Variants in CAMTA1 observed in about 807,000 individuals in gnomAD.
The protein encoded by CAMTA1 is calmodulin binding transcription activator 1.
In CAMTA1, 27 loss-of-function variants were observed where a neutral mutation model predicts 170.9. That is an observed-to-expected ratio of 0.16 (90% confidence interval 0.12 to 0.22). The LOEUF is 0.22. Among genes scored for constraint, CAMTA1 ranks in the 10% least tolerant of loss-of-function variants. CAMTA1 has a pLI of 1.00. For synonymous variants in CAMTA1, 833 were observed against 891.5 expected (o/e 0.93, Z 1.17); for missense variants, 1,619 against 2,217.2 (o/e 0.73, Z 5.42).
At chr1:7,621,476 G>A (rs1426018879) in intron 6 of CAMTA1, among the ~76,000 whole-genome samples, 1 of 152,220 alleles carries the variant, frequency 6.6e-6, no homozygotes, top group Admixed American at 6.5e-5. Flanking sequence ...TCTGAGCATC[G>A]TGCCTCGGTG....
intron 3 of CAMTA1, among the ~76,000 whole-genome samples, chr1:7,025,917 G>T (rs1701955477): frequency 6.6e-6 from 1 of 152,196 alleles, no homozygotes; most frequent in African/African-American, 2.4e-5. Context: ...AGGAGTTAGA[G>T]ACCAGCCTGG....
Position 6,906,789 on chromosome 1 carries a change from G to A in CAMTA1, c.234+81579G>A, listed in dbSNP as rs567591274. ...TCTTTTCCCTAAAGGGAGTGAAAGA[G>A]GAAGGTGCTAAATGAAATATTCTCA... On this transcript the variant is annotated intron_variant, in intron 3 of 22. Transcript: ENST00000303635. Among the ~76,000 whole-genome samples, 101 of 152,298 alleles carry A rather than the reference G, an allele frequency of 6.6e-4. 1 individual carries two copies. Among genetic ancestry groups the A allele is most frequent in the African/African-American group, 2.4e-3 (99 of 41,570 alleles).
At chr1:7,123,377 C>T (rs545930627) in intron 4 of CAMTA1, among the ~76,000 whole-genome samples, 7 of 152,268 alleles carry the variant, frequency 4.6e-5, no homozygotes, top group Admixed American at 3.9e-4. Context: ...GGAATAGGGC[C>T]ACCCTAATGA....
intron 4 of CAMTA1, among the ~76,000 whole-genome samples, chr1:7,147,415 C>G (rs1425326440): frequency 8.5e-6 from 1 of 117,688 alleles, no homozygotes; most frequent in Non-Finnish European, 1.7e-5. Context: ...CAGAGCGAGA[C>G]TCCGTCTCAA....
chr1:7,762,193 A>G (rs1187912661), intron 22 of CAMTA1, among the ~76,000 whole-genome samples: 2 of 152,238 alleles, frequency 1.3e-5, no homozygotes, highest in Non-Finnish European at 2.9e-5. Context: ...TATTATTACA[A>G]AAGCAGCACA....
At position 7,487,797 on chromosome 1, in the gene CAMTA1, C is replaced by T. The variant is rs559793403; in HGVS notation, c.510+19896C>T. 2.6e-4 allele frequency among the ~76,000 whole-genome samples: 40 copies of T among 152,330 alleles called. 1 individual carries two copies. Among genetic ancestry groups the T allele is most frequent in the Middle Eastern group, 6.8e-3 (2 of 294 alleles). ...GCCCCCCAGAGGAAGGGATCCCAGGCCCTTGTCTGTCCTTCACCCTGATCT... is the reference window on the plus strand; with the variant it reads ...GCCCCCCAGAGGAAGGGATCCCAGGTCCTTGTCTGTCCTTCACCCTGATCT... On this transcript the variant is annotated intron_variant, in intron 6 of 22. Transcript: ENST00000303635.
Position 7,660,941 on chromosome 1 carries a change from T to C in CAMTA1, c.665-785T>C, listed in dbSNP as rs1576668288. 3.9e-5 allele frequency among the ~76,000 whole-genome samples: 6 copies of C among 152,334 alleles called. No homozygotes were observed. In the South Asian group the frequency reaches 1.2e-3, roughly 32 times the overall value. On this transcript the variant is annotated intron_variant, in intron 7 of 22. Coordinates refer to ENST00000303635, the MANE Select transcript of CAMTA1 (RefSeq NM_015215.4). ...CCGGGTCTGCTCCAGCTGAGAAAAC[T>C]GCTCTGCTGGAAAAGTCGGTTTAGA...
At chr1:7,428,279 T>G (rs186621257) in intron 5 of CAMTA1, among the ~76,000 whole-genome samples, 37 of 152,210 alleles carry the variant, frequency 2.4e-4, no homozygotes, top group African/African-American at 8.2e-4. Context: ...GTCGGGCGAA[T>G]GCACTGTTCC....
In CAMTA1 at chr1:7,685,167, C is replaced by T. The variant is rs2096248001; in HGVS notation, c.2914+7434C>T. Among the ~76,000 whole-genome samples the T allele has an allele frequency of 6.6e-6, 1 of 152,126 alleles. No individual in the cohort carries two copies. Among genetic ancestry groups the T allele is most frequent in the Non-Finnish European group, 1.5e-5 (1 of 68,024 alleles). On this transcript the variant is annotated intron_variant, in intron 11 of 22. Transcript: ENST00000303635. The surrounding 1 kb of genome is among the most constrained non-coding windows in gnomAD (Gnocchi z 5.7). Reference sequence around the variant, plus strand: ...GAGTTCGCAGGCACCGTCCTGAGGTCACAGGTGGTGTGTTTTAAGGAGCAT... The same window carrying T: ...GAGTTCGCAGGCACCGTCCTGAGGTTACAGGTGGTGTGTTTTAAGGAGCAT...
chr1:6,930,133 G>C (rs1050590454), intron 3 of CAMTA1, among the ~76,000 whole-genome samples: 16 of 152,156 alleles, frequency 1.1e-4, no homozygotes, highest in South Asian at 6.2e-4. Context: ...CCAGTACCTT[G>C]TTGGTCTCTG....
At chr1:7,459,577 C>T (rs927509102) in intron 5 of CAMTA1, among the ~76,000 whole-genome samples, 1 of 152,214 alleles carries the variant, frequency 6.6e-6, no homozygotes, top group Non-Finnish European at 1.5e-5. Flanking sequence ...CTGTGAGCCC[C>T]ACAGCCCTGC....
intron 3 of CAMTA1, among the ~76,000 whole-genome samples, chr1:6,907,699 C>T (rs1011773448): frequency 6.6e-6 from 1 of 152,180 alleles, no homozygotes; most frequent in Admixed American, 6.5e-5. Context: ...GGCGTAAGGA[C>T]GACCACCCCT....
At chr1:6,999,603 G>A (rs762092261) in intron 3 of CAMTA1, among the ~76,000 whole-genome samples, 3 of 152,090 alleles carry the variant, frequency 2.0e-5, no homozygotes, top group Admixed American at 6.6e-5. Context: ...GGCTGGTCTC[G>A]AACTACTGGG....
rs762945663 is a variant in CAMTA1 at position 7,738,448 on chromosome 1, A to T, written c.4148A>T (p.Asn1383Ile). 4 of 1,613,998 alleles carry T rather than the reference A, an allele frequency of 2.5e-6. No individual in the cohort carries two copies. Among genetic ancestry groups the T allele is most frequent in the Non-Finnish European group, 3.4e-6 (4 of 1,179,968 alleles). Residue 1383 changes from asparagine (N) to isoleucine (I), a missense_variant, in exon 16 of 23, where the codon AAT (asparagine) becomes ATT (isoleucine). Asn to Ile is a moderately radical substitution (Grantham distance 149, BLOSUM62 -3). Coordinates refer to ENST00000303635, the MANE Select transcript of CAMTA1 (RefSeq NM_015215.4). The surrounding 1 kb of genome is among the most constrained non-coding windows in gnomAD (Gnocchi z 4.9). ...ELGSYRDSAE[N>I]EECGQPMDDI... ...GGGTCCTACCGTGATAGTGCAGAAA[A>T]TGAAGAATGCGGCCAGCCCATGGAT...
At chr1:6,992,508 T>G (rs1052086301) in intron 3 of CAMTA1, among the ~76,000 whole-genome samples, 2 of 152,260 alleles carry the variant, frequency 1.3e-5, no homozygotes, top group Non-Finnish European at 2.9e-5. Context: ...GCAGGTCTGT[T>G]GCTCATCCAT....
chr1:7,334,997 G>A (rs888038800), intron 5 of CAMTA1, among the ~76,000 whole-genome samples: 1 of 152,140 alleles, frequency 6.6e-6, no homozygotes, highest in Non-Finnish European at 1.5e-5. Flanking sequence ...TCTGCTTGCT[G>A]AAGCTCATAC....
In CAMTA1 at chr1:7,641,873, C is replaced by G. The variant is rs2095763737; in HGVS notation, c.664+1320C>G. 6.6e-6 allele frequency among the ~76,000 whole-genome samples: 1 copy of G among 152,154 alleles called. No individual in the cohort carries two copies. ...CTTAACTGCAGCCCTGACCACATCC[C>G]TCTCTGCTTAAAACCACTCAATGCC... is the stretch of plus-strand genomic sequence containing the variant. On this transcript the variant is annotated intron_variant, in intron 7 of 22. Transcript: ENST00000303635. The surrounding 1 kb of genome is among the most constrained non-coding windows in gnomAD (Gnocchi z 4.5).
chr1:7,717,479 C>T (rs2096619345), intron 11 of CAMTA1, among the ~76,000 whole-genome samples: 1 of 152,118 alleles, frequency 6.6e-6, no homozygotes, highest in African/African-American at 2.4e-5. Flanking sequence ...GGCGTAGTGG[C>T]TCACACCTGT....
chr1:7,265,346 C>T (rs1019840063), intron 5 of CAMTA1, among the ~76,000 whole-genome samples: 4 of 152,114 alleles, frequency 2.6e-5, no homozygotes, highest in African/African-American at 9.7e-5. Flanking sequence ...TCTCATCTCA[C>T]TCTGTCTCCG....
Sources: gnomAD v4.1 joint callset for allele counts (sites outside exome capture counted in the v4.1 genomes callset) on GRCh38, gnomAD v4.1.1 for gene constraint, Gnocchi (gnomAD v3.1) non-coding constraint, MANE v1.5 for transcripts, NCBI Gene and HGNC (gene_info 2026-07-23, HGNC 2026-07-21) for gene names.